PARG: variants seen among roughly 807,000 people sequenced by gnomAD.
The protein encoded by PARG is poly(ADP-ribose) glycohydrolase.
In PARG, 35 loss-of-function variants were observed where a neutral mutation model predicts 113.0. The ratio of observed to expected loss-of-function variants is 0.31; its 90% confidence interval spans 0.24 to 0.41. The LOEUF is 0.41. Among genes scored for constraint, PARG ranks in the 10% least tolerant of loss-of-function variants. The pLI, the probability that PARG is intolerant of heterozygous loss-of-function variation, is 1.00. For missense variants in PARG, 797 were observed against 1,169.4 expected (o/e 0.68, Z 4.64); for synonymous variants, 330 against 409.9 (o/e 0.81, Z 2.36).
chr10:49,910,906 C>T (rs150223610), intron 7 of PARG, among the ~76,000 whole-genome samples: 4,281 of 151,980 alleles, frequency 0.028, 85 homozygotes, highest in Middle Eastern at 0.061. Context: ...TCCCCCATGC[C>T]CTTCAGTTAC....
chr10:49,938,569 A>G (rs1838860315), intron 1 of PARG, among the ~76,000 whole-genome samples: 1 of 152,050 alleles, frequency 6.6e-6, no homozygotes, highest in African/African-American at 2.4e-5. Context: ...TGTGAATAAC[A>G]TGCTGAGTTC....
chr10:49,921,043 G>A (rs1396324999), intron 6 of PARG, among the ~76,000 whole-genome samples: 3 of 152,078 alleles, frequency 2.0e-5, no homozygotes, highest in Non-Finnish European at 2.9e-5. Context: ...ATATGGATAG[G>A]GAATGGGGTG....
intron 16 of PARG, among the ~76,000 whole-genome samples, chr10:49,824,257 A>G (rs1328582336): frequency 2.6e-5 from 4 of 152,228 alleles, no homozygotes; most frequent in African/African-American, 9.6e-5. Context: ...ATTTTAAAAC[A>G]TCACTGTCTT....
chr10:49,934,049 A>G lies in PARG; in HGVS notation c.399T>C (p.Ser133=). 6.2e-7 allele frequency: 1 copy of G among 1,604,656 alleles called. No individual in the cohort carries two copies. The highest frequency in any genetic ancestry group is 8.5e-7 in the Non-Finnish European group (1 of 1,171,328). The change falls in exon 3 of 18, where the codon AGT becomes AGC. Residue 133 remains serine (S), a synonymous_variant. Transcript: ENST00000616448. ...TTTTTTCAGTGGGTGACTTATCAAGACTTAGCTGAGAAACATTTTCTAATT... is the reference window on the plus strand; with the variant it reads ...TTTTTTCAGTGGGTGACTTATCAAGGCTTAGCTGAGAAACATTTTCTAATT... ...VEKLENVSQL[S]LDKSPTEKST...
chr10:49,842,257 G>C (rs1276492286), intron 14 of PARG, among the ~76,000 whole-genome samples, 199 bp from the exon 15 acceptor site: 3 of 152,192 alleles, frequency 2.0e-5, no homozygotes, highest in Non-Finnish European at 4.4e-5. Context: ...GCACTGTCAG[G>C]CTTTAAAAAG....
At chr10:49,831,385 T>C (rs1389528324) in intron 16 of PARG, among the ~76,000 whole-genome samples, 2 of 152,214 alleles carry the variant, frequency 1.3e-5, no homozygotes, top group African/African-American at 4.8e-5. Flanking sequence ...CTGTTTTATG[T>C]CTGCTTTATT....
chr10:49,937,475 CA>C (rs34549779), intron 1 of PARG, among the ~76,000 whole-genome samples: 304 of 120,612 alleles, frequency 2.5e-3, no homozygotes, highest in Middle Eastern at 0.014. Context: ...GACTCTGTCT[CA>C]AAAAAAAAAA....
At chr10:49,902,145 A>C (rs1848373216) in intron 7 of PARG, among the ~76,000 whole-genome samples, 1 of 152,258 alleles carries the variant, frequency 6.6e-6, no homozygotes, top group South Asian at 2.1e-4. Context: ...AACTGAAAGA[A>C]GATTCAGGGG....
Position 49,893,129 on chromosome 10 carries a change from T to TG in PARG, c.1738-7835_1738-7834insC, listed in dbSNP as rs1351444139. Among the ~76,000 whole-genome samples the TG allele has an allele frequency of 3.3e-4, 7 of 21,050 alleles. No individual in the cohort carries two copies. The East Asian group carries it at 6.8e-3, about 21-fold the overall frequency. The allele number at this position is 21,050 out of a possible 152,430, so 13.8% of individuals were successfully genotyped here. ...TGAAATTAATGGGTAATAGGGTAAG[T>TG]ATATGTTCAGTTTTTCTAAAAAACA... On this transcript the variant is annotated intron_variant, in intron 7 of 17. Transcript: ENST00000616448.
chr10:49,827,820 G>C (rs1554829631), intron 16 of PARG, among the ~76,000 whole-genome samples: 1 of 152,016 alleles, frequency 6.6e-6, no homozygotes, highest in Non-Finnish European at 1.5e-5. Flanking sequence ...ACCTTTTCAA[G>C]TGCCAACATG....
At chr10:49,824,520 A>G (rs1344646887) in intron 16 of PARG, among the ~76,000 whole-genome samples, 2 of 152,206 alleles carry the variant, frequency 1.3e-5, no homozygotes, top group Non-Finnish European at 2.9e-5. Context: ...ATCAATGTTA[A>G]GCTATGAAAA....
At chr10:49,829,897 A>C (rs1333825181) in intron 16 of PARG, among the ~76,000 whole-genome samples, 1 of 152,124 alleles carries the variant, frequency 6.6e-6, no homozygotes, top group Admixed American at 6.5e-5. Flanking sequence ...ATAATATTTT[A>C]TTGCATAAAT....
intron 7 of PARG, among the ~76,000 whole-genome samples, chr10:49,910,243 G>A (rs1263301562): frequency 1.3e-5 from 2 of 152,166 alleles, no homozygotes; most frequent in Admixed American, 6.5e-5. Context: ...AGGAGAATGC[G>A]TAGTCGATAT....
At chr10:49,835,226 A>T (rs538667453) in intron 15 of PARG, among the ~76,000 whole-genome samples, 30 of 152,340 alleles carry the variant, frequency 2.0e-4, no homozygotes, top group African/African-American at 7.2e-4. Context: ...CAAGAGCTCT[A>T]TATTGGCAAA....
chr10:49,822,471 C>T (rs1181991308), intron 16 of PARG, among the ~76,000 whole-genome samples: 1 of 152,078 alleles, frequency 6.6e-6, no homozygotes, highest in East Asian at 1.9e-4. Flanking sequence ...AAGTAGTGCT[C>T]AAATGGATAA....
chr10:49,861,564 C>G, intron 12 of PARG, 24 bp downstream of exon 12: 1 of 1,179,472 alleles, frequency 8.5e-7, no homozygotes, highest in East Asian at 2.4e-5. Context: ...TAACCATACA[C>G]AGACACTACT....
At chr10:49,880,246 C>T (rs1554839193) in intron 8 of PARG, among the ~76,000 whole-genome samples, 2 of 151,980 alleles carry the variant, frequency 1.3e-5, no homozygotes. Context: ...TTTCTTAGTC[C>T]TCAATAAAAT....
intron 13 of PARG, among the ~76,000 whole-genome samples, chr10:49,849,322 A>G (rs1275574569): frequency 2.6e-5 from 4 of 152,150 alleles, no homozygotes; most frequent in African/African-American, 7.2e-5. Flanking sequence ...GAAGGAGAAA[A>G]AAGTTGAAGG....
chr10:49,926,673 G>A (rs1443190727), intron 4 of PARG, among the ~76,000 whole-genome samples: 2 of 152,198 alleles, frequency 1.3e-5, no homozygotes, highest in Non-Finnish European at 2.9e-5. Flanking sequence ...GCAAAGCCTT[G>A]CTTCCTTAAC....
Sources: gnomAD v4.1 joint callset for allele counts (sites outside exome capture counted in the v4.1 genomes callset) on GRCh38, gnomAD v4.1.1 for gene constraint, MANE v1.5 for transcripts, NCBI Gene and HGNC (gene_info 2026-07-23, HGNC 2026-07-21) for gene names.